RIMS2: variants seen among roughly 807,000 people sequenced by gnomAD.
RIMS2 encodes regulating synaptic membrane exocytosis 2.
RIMS2 carries 59 observed loss-of-function variants against 174.4 expected under a neutral mutation model. That is an observed-to-expected ratio of 0.34 (90% CI 0.27 to 0.42). RIMS2 has a LOEUF of 0.42. Among genes scored for constraint, RIMS2 ranks in the 10% least tolerant of loss-of-function variants. The probability of loss-of-function intolerance (pLI) is 1.00; values close to 1 mark genes in which losing one functional copy is unlikely to be tolerated. For synonymous variants in RIMS2, 606 were observed against 572.5 expected, an observed-to-expected ratio of 1.06 and a Z score of -0.84; for missense variants, 1,620 against 1,666.3, an observed-to-expected ratio of 0.97 and a Z score of 0.48.
At chr8:103,707,187 A>C (rs755637445) in intron 2 of RIMS2, among the ~76,000 whole-genome samples, 12 of 152,038 alleles carry the variant, frequency 7.9e-5, no homozygotes, top group Admixed American at 2.6e-4. Context: ...TGATTTCTTG[A>C]AGTTCATTGA....
intron 17 of RIMS2, among the ~76,000 whole-genome samples, chr8:103,993,624 A>G (rs2094874085): frequency 6.6e-6 from 1 of 152,220 alleles, no homozygotes; most frequent in South Asian, 2.1e-4. Context: ...AAAATAATAT[A>G]ACGTTTTATT....
At chr8:103,573,209 C>T (rs2092963638) in intron 1 of RIMS2, among the ~76,000 whole-genome samples, 1 of 151,922 alleles carries the variant, frequency 6.6e-6, no homozygotes, top group Admixed American at 6.6e-5. Context: ...GTGCATGCCA[C>T]CACGCCCAGC....
At chr8:103,852,551 C>T (rs2099004866) in intron 3 of RIMS2, among the ~76,000 whole-genome samples, 2 of 151,522 alleles carry the variant, frequency 1.3e-5, no homozygotes, top group South Asian at 4.2e-4. Context: ...ACCCAAACCT[C>T]GCTCTCTCCC....
At chr8:103,819,354 A>G (rs567222447) in intron 3 of RIMS2, 24 of 1,515,436 alleles carry the variant, frequency 1.6e-5, no homozygotes, top group South Asian at 1.3e-4. Flanking sequence ...ACAATTAACT[A>G]TCAACCTCTG....
intron 19 of RIMS2, 56 bp from the exon 26 acceptor site, chr8:104,244,860 T>C: frequency 2.7e-6 from 4 of 1,460,604 alleles, no homozygotes; most frequent in Non-Finnish European, 3.8e-6. Flanking sequence ...TTCGCTGATA[T>C]TTCTTACCAC....
intron 16 of RIMS2, among the ~76,000 whole-genome samples, chr8:103,987,364 C>T (rs2094436577): frequency 6.6e-6 from 1 of 151,814 alleles, no homozygotes; most frequent in South Asian, 2.1e-4. Flanking sequence ...CGGTGAGACA[C>T]CAGAAAAATT....
chr8:103,863,336 AT>A, intron 3 of RIMS2, among the ~76,000 whole-genome samples: 1 of 151,378 alleles, frequency 6.6e-6, no homozygotes, highest in East Asian at 1.9e-4. Context: ...TGGTGTATTA[AT>A]TTTTTTTGGT....
chr8:104,098,488 A>G (rs2097800370), intron 19 of RIMS2, among the ~76,000 whole-genome samples: 1 of 152,162 alleles, frequency 6.6e-6, no homozygotes, highest in Non-Finnish European at 1.5e-5. Context: ...GTCAAAAGCA[A>G]CAATGTTGGT....
At chr8:103,683,441 G>T (rs1382289309) in intron 1 of RIMS2, among the ~76,000 whole-genome samples, 1 of 152,126 alleles carries the variant, frequency 6.6e-6, no homozygotes, top group Non-Finnish European at 1.5e-5. Flanking sequence ...CTATTCATGA[G>T]ATATCTGTCC....
At chr8:104,080,430 A>G (rs1429908663) in intron 19 of RIMS2, among the ~76,000 whole-genome samples, 1 of 152,026 alleles carries the variant, frequency 6.6e-6, no homozygotes, top group Non-Finnish European at 1.5e-5. Flanking sequence ...TAGTCTGATC[A>G]GTGTAAGGCT....
intron 3 of RIMS2, among the ~76,000 whole-genome samples, chr8:103,772,304 A>C (rs904599164): frequency 2.0e-5 from 3 of 152,118 alleles, no homozygotes; most frequent in Admixed American, 1.3e-4. Flanking sequence ...AAGGCTGTAG[A>C]ATATAGTCAA....
intron 16 of RIMS2, among the ~76,000 whole-genome samples, chr8:103,983,348 A>G (rs1362646039): frequency 6.6e-6 from 1 of 152,220 alleles, no homozygotes; most frequent in Non-Finnish European, 1.5e-5. Context: ...ATTCAGTGCA[A>G]TCCCTATCAG....
intron 1 of RIMS2, among the ~76,000 whole-genome samples, chr8:103,529,432 C>T (rs550097739): frequency 1.5e-4 from 23 of 152,280 alleles, no homozygotes; most frequent in African/African-American, 2.4e-4. Flanking sequence ...GAGCCATGCG[C>T]GGGATATAAT....
At chr8:103,597,515 A>G (rs2094523548) in intron 1 of RIMS2, among the ~76,000 whole-genome samples, 1 of 152,120 alleles carries the variant, frequency 6.6e-6, no homozygotes, top group African/African-American at 2.4e-5. Context: ...TTGTCAGCAC[A>G]GTAGGTCCCA....
intron 3 of RIMS2, among the ~76,000 whole-genome samples, chr8:103,824,654 AG>A (rs2098775688): frequency 6.6e-6 from 1 of 152,304 alleles, no homozygotes; most frequent in Non-Finnish European, 1.5e-5. Context: ...CAATATGCAA[AG>A]CAGATAGAAG....
At chr8:104,032,863 T>C (rs560402472) in intron 19 of RIMS2, among the ~76,000 whole-genome samples, 62 of 152,106 alleles carry the variant, frequency 4.1e-4, no homozygotes, top group African/African-American at 1.4e-3. Context: ...TTCCAAACAT[T>C]ATACTTGGCA....
intron 3 of RIMS2, among the ~76,000 whole-genome samples, chr8:103,807,525 G>C (rs1254583777): frequency 6.6e-6 from 1 of 152,090 alleles, no homozygotes; most frequent in African/African-American, 2.4e-5. Context: ...GAAAAATGGG[G>C]TAGTACCTGG....
chr8:103,703,528 C>T (rs539579594), intron 2 of RIMS2, among the ~76,000 whole-genome samples: 81 of 152,202 alleles, frequency 5.3e-4, no homozygotes, highest in Non-Finnish European at 9.9e-4. Context: ...TGAGCCACCA[C>T]GCCTGGACTT....
chr8:104,065,310 T>A (rs2097085840), intron 19 of RIMS2, among the ~76,000 whole-genome samples: 1 of 152,146 alleles, frequency 6.6e-6, no homozygotes, highest in Non-Finnish European at 1.5e-5. Context: ...AATTATGTGA[T>A]CCTTTCCTCA....
Sources: gnomAD v4.1 joint callset for allele counts (sites outside exome capture counted in the v4.1 genomes callset) on GRCh38, gnomAD v4.1.1 for gene constraint, MANE v1.5 for transcripts, NCBI Gene and HGNC (gene_info 2026-07-23, HGNC 2026-07-21) for gene names.